OR2C3: variants seen among roughly 807,000 people sequenced by gnomAD.
OR2C3 encodes the protein olfactory receptor 2C3.
For missense variants in OR2C3, 425 were observed against 401.5 expected (o/e 1.06, Z -0.50); for synonymous variants, 178 against 163.4 (o/e 1.09, Z -0.68).
At position 247,536,190 on chromosome 1, in the gene OR2C3, T is replaced by C. The variant is rs1205595752; in HGVS notation, c.-424A>G. 1 of 152,178 alleles carries C rather than the reference T, an allele frequency of 6.6e-6. No homozygotes were observed. 9.4% of individuals were successfully genotyped at this position (152,178 alleles called of 1,614,324 possible). A position where few individuals can be genotyped will look rare whatever the true frequency, so the allele number is the denominator to read the frequency against. The stretch of plus-strand genomic sequence containing the variant: ...TACTAATGGTGAGCTAGCAGCATCA[T>C]CTCTATTTATGCAGGGTGGAAATGT... On this transcript the variant is annotated 5_prime_UTR_variant, in exon 1 of 3. An upstream start codon of the reference 5' UTR is lost. Coordinates refer to ENST00000641802, the MANE Select transcript of OR2C3 (RefSeq NM_198074.6).
rs13375085 is a variant in OR2C3 at position 247,529,924 on chromosome 1, T to C, written c.*1625A>G. The C allele has an allele frequency of 7.9e-5, 12 of 152,100 alleles. No individual in the cohort carries two copies. Among genetic ancestry groups the C allele is most frequent in the African/African-American group, 2.9e-4 (12 of 41,410 alleles). The allele number at this position is 152,100 out of a possible 1,614,324, so 9.4% of individuals were successfully genotyped here. ...CTGCAACATCAACCTCTGTCAAAATTTACAGCCTGCTGGCTTGCCCTGCAA... is the reference window on the plus strand; with the variant it reads ...CTGCAACATCAACCTCTGTCAAAATCTACAGCCTGCTGGCTTGCCCTGCAA... On this transcript the variant is annotated 3_prime_UTR_variant, in exon 3 of 3. Transcript: ENST00000641802.
rs1667006893 is a variant in OR2C3 at position 247,532,190 on chromosome 1, G to C, written c.322C>G (p.Leu108Val). ...CVVQFYISHW[L>V]GATECVLLAT... ...AGCAGGACACACTCGGTTGCCCCCA[G>C]CCAATGGGAGATATAGAACTGGACC... Residue 108 changes from leucine (L) to valine (V), a missense_variant, in exon 3 of 3, where the codon CTG becomes GTG. Coordinates refer to ENST00000641802, the MANE Select transcript of OR2C3 (RefSeq NM_198074.6). 6.2e-7 allele frequency: 1 copy of C among 1,614,036 alleles called. No homozygotes were observed. Among genetic ancestry groups the C allele is most frequent in the Admixed American group, 1.7e-5 (1 of 60,010 alleles).
rs769290000 is a variant in OR2C3, at chr1:247,531,660, A to C, written c.852T>G (p.Pro284=). 4 of 1,614,200 alleles carry C rather than the reference A, an allele frequency of 2.5e-6. No homozygotes were observed. The East Asian group carries it at 8.9e-5, about 36-fold the overall frequency. Residue 284 remains proline (P), a synonymous_variant, in exon 3 of 3, where the codon CCT becomes CCG. Coordinates refer to ENST00000641802, the MANE Select transcript of OR2C3 (RefSeq NM_198074.6). ...GGGTGTAAATAAGTGGGTTCAGCGC[A>C]GGAGTGACTACGGTGTAGAACAGAG... The part of the protein sequence containing the change: ...FIALFYTVVT[P]ALNPLIYTLR...
At position 247,531,680 on chromosome 1, in the gene OR2C3, A is replaced by G. The variant is rs906591106; in HGVS notation, c.832T>C (p.Phe278Leu). 2 of 1,614,054 alleles carry G rather than the reference A, an allele frequency of 1.2e-6. No individual in the cohort carries two copies. Among genetic ancestry groups the G allele is most frequent in the African/African-American group, 2.7e-5 (2 of 74,920 alleles). Reference protein sequence around the residue: ...SHEQGKFIALFYTVVTPALNP... With the variant: ...SHEQGKFIALLYTVVTPALNP... ...AGCGCAGGAGTGACTACGGTGTAGA[A>G]CAGAGCTATGAACTTGCCCTGCTCA... Residue 278 changes from phenylalanine to leucine, a missense_variant, in exon 3 of 3, where the codon TTC (phenylalanine) becomes CTC (leucine). Phe to Leu is a conservative substitution (Grantham distance 22). Coordinates refer to ENST00000641802, the MANE Select transcript of OR2C3 (RefSeq NM_198074.6).
Position 247,532,178 on chromosome 1 carries a change from C to G in OR2C3, c.334G>C (p.Glu112Gln), listed in dbSNP as rs548732653. ...FYISHWLGAT[E>Q]CVLLATMSYD... The stretch of plus-strand genomic sequence containing the variant: ...GACATGGTGGCCAGCAGGACACACT[C>G]GGTTGCCCCCAGCCAATGGGAGATA... Residue 112 changes from glutamate to glutamine, a missense_variant, in exon 3 of 3, where the codon GAG (glutamate) becomes CAG (glutamine). Physicochemically the swap from Glu to Gln is conservative, Grantham distance 29. Transcript: ENST00000641802. 1 of 1,614,070 alleles carries G rather than the reference C, an allele frequency of 6.2e-7. No individual in the cohort carries two copies.
chr1:247,531,696 G>C lies in OR2C3; in HGVS notation c.816C>G (p.Gly272=). ...CGGTGTAGAACAGAGCTATGAACTT[G>C]CCCTGCTCATGGGAGGTGCTCTTGG... ...QPAKSTSHEQ[G]KFIALFYTVV... is the part of the protein sequence containing the mutation. The change falls in exon 3 of 3, where the codon GGC becomes GGG. Residue 272 remains glycine, a synonymous_variant. Transcript: ENST00000641802. The C allele has an allele frequency of 6.2e-7, 1 of 1,614,160 alleles. No individual in the cohort carries two copies. Among genetic ancestry groups the C allele is most frequent in the Non-Finnish European group, 8.5e-7 (1 of 1,180,034 alleles).
chr1:247,528,437 G>A lies in OR2C3; in HGVS notation c.*3112C>T, dbSNP rs552575388. On this transcript the variant is annotated 3_prime_UTR_variant, in exon 3 of 3. Coordinates refer to ENST00000641802, the MANE Select transcript of OR2C3 (RefSeq NM_198074.6). ...CATGCATGAACCTAGAAGACATTGTGTTAAGTGAAATAAGCCAAACACAAA... is the reference window on the plus strand; with the variant it reads ...CATGCATGAACCTAGAAGACATTGTATTAAGTGAAATAAGCCAAACACAAA... 1.3e-5 allele frequency: 2 copies of A among 152,264 alleles called. No homozygotes were observed. The highest frequency in any genetic ancestry group is 2.4e-5 in the African/African-American group (1 of 41,558). The allele number at this position is 152,264 out of a possible 1,614,324, so 9.4% of individuals were successfully genotyped here. A position where few individuals can be genotyped will look rare whatever the true frequency, so the allele number is the denominator to read the frequency against.
At position 247,531,115 on chromosome 1, in the gene OR2C3, G is replaced by C. The variant is rs1414700853; in HGVS notation, c.*434C>G. Reference sequence around the variant, plus strand: ...CGGAGCCTGCAAGGCGGAGTCCCGGGCTCAGCTCACCCCAGGCGCAGGCCT... The same window carrying C: ...CGGAGCCTGCAAGGCGGAGTCCCGGCCTCAGCTCACCCCAGGCGCAGGCCT... On this transcript the variant is annotated 3_prime_UTR_variant, in exon 3 of 3. Transcript: ENST00000641802. The C allele has an allele frequency of 9.3e-5, 16 of 171,204 alleles. No individual in the cohort carries two copies. In the East Asian group the frequency reaches 2.7e-3, roughly 29 times the overall value. 10.6% of individuals were successfully genotyped at this position (171,204 alleles called of 1,614,324 possible). A position where few individuals can be genotyped will look rare whatever the true frequency, so the allele number is the denominator to read the frequency against.
At chr1:247,535,368 G>A (rs113709497) in intron 1 of OR2C3, among the ~76,000 whole-genome samples, 7 of 152,282 alleles carry the variant, frequency 4.6e-5, no homozygotes, top group Admixed American at 1.3e-4. Context: ...CTGTCAAAAC[G>A]TGGATGTTTT....
rs576827329 is a variant in OR2C3, at chr1:247,534,750, G to C, written c.-401-872C>G. Among the ~76,000 whole-genome samples, 8 of 152,286 alleles carry C rather than the reference G, an allele frequency of 5.3e-5. 1 individual carries two copies. The South Asian group carries it at 1.5e-3, about 28-fold the overall frequency. On this transcript the variant is annotated intron_variant, in intron 1 of 2. Coordinates refer to ENST00000641802, the MANE Select transcript of OR2C3 (RefSeq NM_198074.6). ...CAGAGAGTAGAATTTACCTATCCCT[G>C]TAACTGGAAGTCAATTAAACAAAAT...
Position 247,531,361 on chromosome 1 carries a change from A to G in OR2C3, c.*188T>C, listed in dbSNP as rs2103001922. ...ACCAACAACGCAATTGAACAAAACT[A>G]TGATAATTAGCAAATAATAAATGTA... On this transcript the variant is annotated 3_prime_UTR_variant, in exon 3 of 3. Coordinates refer to ENST00000641802, the MANE Select transcript of OR2C3 (RefSeq NM_198074.6). The G allele has an allele frequency of 1.6e-6, 1 of 620,764 alleles. No individual in the cohort carries two copies. The highest frequency in any genetic ancestry group is 2.8e-5 in the East Asian group (1 of 36,254). 38.5% of individuals were successfully genotyped at this position (620,764 alleles called of 1,614,324 possible).
rs1469988206 is a variant in OR2C3, at chr1:247,532,518, C to T, written c.-7G>A. 6.2e-7 allele frequency: 1 copy of T among 1,610,044 alleles called. No individual in the cohort carries two copies. Among genetic ancestry groups the T allele is most frequent in the South Asian group, 1.1e-5 (1 of 90,474 alleles). Reference sequence around the variant, plus strand: ...CATTGGCTATTTCCATCATTGTATGCTGGGGGTGGGGCAAAAGGCCACCTG... The same window carrying T: ...CATTGGCTATTTCCATCATTGTATGTTGGGGGTGGGGCAAAAGGCCACCTG... On this transcript the variant is annotated 5_prime_UTR_variant, in exon 3 of 3. Coordinates refer to ENST00000641802, the MANE Select transcript of OR2C3 (RefSeq NM_198074.6).
rs1666977692 is a variant in OR2C3, at chr1:247,531,838, G to A, written c.674C>T (p.Ala225Val). ...ILVSYGHIAR[A>V]VLKIRSAEGR... ...TTCTGCTGACCTGATCTTCAACACG[G>A]CCCGGGCAATGTGGCCGTAAGAGAC... Residue 225 changes from alanine (A) to valine (V), a missense_variant, in exon 3 of 3, where the codon GCC (alanine) becomes GTC (valine). Ala to Val is a moderately conservative substitution (Grantham distance 64). Coordinates refer to ENST00000641802, the MANE Select transcript of OR2C3 (RefSeq NM_198074.6). The A allele has an allele frequency of 2.5e-6, 4 of 1,614,034 alleles. No homozygotes were observed. Among genetic ancestry groups the A allele is most frequent in the Non-Finnish European group, 3.4e-6 (4 of 1,180,036 alleles).
Position 247,531,887 on chromosome 1 carries a change from C to G in OR2C3, c.625G>C (p.Val209Leu). Residue 209 changes from valine to leucine, a missense_variant, in exon 3 of 3, where the codon GTC (valine) becomes CTC (leucine). By Grantham distance (32) the Val-to-Leu change is conservative. Coordinates refer to ENST00000641802, the MANE Select transcript of OR2C3 (RefSeq NM_198074.6). ...EMYLASFVFV[V>L]LPLGLILVSY... is the part of the protein sequence containing the mutation. Reference sequence around the variant, plus strand: ...ACCAGGATGAGCCCCAGAGGCAGGACAACAAAGACAAAGCTGGCCAGGTAC... The same window carrying G: ...ACCAGGATGAGCCCCAGAGGCAGGAGAACAAAGACAAAGCTGGCCAGGTAC... 1 of 1,614,172 alleles carries G rather than the reference C, an allele frequency of 6.2e-7. No homozygotes were observed.
At position 247,531,760 on chromosome 1, in the gene OR2C3, A is replaced by G; in HGVS notation, c.752T>C (p.Leu251Pro). 1 of 1,614,210 alleles carries G rather than the reference A, an allele frequency of 6.2e-7. No homozygotes were observed. The highest frequency in any genetic ancestry group is 1.3e-5 in the African/African-American group (1 of 75,044). Residue 251 changes from leucine to proline, a missense_variant, in exon 3 of 3, where the codon CTG (leucine) becomes CCG (proline). Transcript: ENST00000641802. ...TCSSHVAVVS[L>P]FYGSIIFMYL... The stretch of plus-strand genomic sequence containing the variant: ...CATGAAGATGATGCTCCCGTAAAAC[A>G]GAGACACCACAGCCACGTGGGAAGA...
rs1367916840 is a variant in OR2C3, at chr1:247,527,609, G to GC, written c.*3939dup. On this transcript the variant is annotated 3_prime_UTR_variant, in exon 3 of 3. Transcript: ENST00000641802. The surrounding 1 kb of genome is among the most constrained non-coding windows in gnomAD (Gnocchi z 4.6). Reference sequence around the variant, plus strand: ...AATGTTTGAAAATTTTTTTATTTTAGCTTTTAGTGGACATATAATAATTGA... The same window carrying GC: ...AATGTTTGAAAATTTTTTTATTTTAGCCTTTTAGTGGACATATAATAATTGA... The GC allele has an allele frequency of 6.6e-6, 1 of 152,376 alleles. No individual in the cohort carries two copies. Among genetic ancestry groups the GC allele is most frequent in the Non-Finnish European group, 1.5e-5 (1 of 68,230 alleles). The allele number at this position is 152,376 out of a possible 1,614,324, so 9.4% of individuals were successfully genotyped here.
rs1666713146 is a variant in OR2C3 at position 247,527,130 on chromosome 1, G to A, written c.*4419C>T. The A allele has an allele frequency of 4.4e-6, 2 of 451,420 alleles. No homozygotes were observed. 28.0% of individuals were successfully genotyped at this position (451,420 alleles called of 1,614,324 possible). ...TCATTTTCTGTTAAGCATTTAGGGA[G>A]CAGTTGGGTGAGCACATGACCAATC... is the stretch of plus-strand genomic sequence containing the variant. On this transcript the variant is annotated 3_prime_UTR_variant, in exon 3 of 3. Coordinates refer to ENST00000641802, the MANE Select transcript of OR2C3 (RefSeq NM_198074.6). This position sits in a 1 kb window ranked among gnomAD's most constrained non-coding sequence, Gnocchi z 4.6.
In OR2C3 at chr1:247,536,293, G is replaced by A. The variant is rs760497826; in HGVS notation, c.-527C>T. On this transcript the variant is annotated 5_prime_UTR_variant, in exon 1 of 3. Coordinates refer to ENST00000641802, the MANE Select transcript of OR2C3 (RefSeq NM_198074.6). Reference sequence around the variant, plus strand: ...TGCGTGTGGCATTAAAAAAATAGGAGTTTAGCCAGGGGATTTTAAAGCCCT... The same window carrying A: ...TGCGTGTGGCATTAAAAAAATAGGAATTTAGCCAGGGGATTTTAAAGCCCT... The A allele has an allele frequency of 1.3e-5, 2 of 152,136 alleles. No homozygotes were observed. The highest frequency in any genetic ancestry group is 2.9e-5 in the Non-Finnish European group (2 of 68,030). 9.4% of individuals were successfully genotyped at this position (152,136 alleles called of 1,614,324 possible).
Position 247,526,659 on chromosome 1 carries a change from A to T in OR2C3, c.*4890T>A. On this transcript the variant is annotated 3_prime_UTR_variant, in exon 3 of 3. Transcript: ENST00000641802. The surrounding 1 kb of genome is among the most constrained non-coding windows in gnomAD (Gnocchi z 4.8). Reference sequence around the variant, plus strand: ...CTCACAGTGTGCAGCATGGGAGGAAACCCATACATGAAGTAGAGGGTTCAC... The same window carrying T: ...CTCACAGTGTGCAGCATGGGAGGAATCCCATACATGAAGTAGAGGGTTCAC... 1 of 321,590 alleles carries T rather than the reference A, an allele frequency of 3.1e-6. No individual in the cohort carries two copies. Among genetic ancestry groups the T allele is most frequent in the Non-Finnish European group, 6.0e-6 (1 of 165,970 alleles). 19.9% of individuals were successfully genotyped at this position (321,590 alleles called of 1,614,324 possible). A position where few individuals can be genotyped will look rare whatever the true frequency, so the allele number is the denominator to read the frequency against.
Sources: allele counts gnomAD v4.1 joint callset (sites outside exome capture counted in the v4.1 genomes callset), GRCh38; gene constraint gnomAD v4.1.1; non-coding constraint Gnocchi (gnomAD v3.1); transcripts MANE v1.5; gene names NCBI Gene and HGNC (gene_info 2026-07-23, HGNC 2026-07-21).